Variants in PCDH11X observed in about 807,000 individuals in gnomAD.
PCDH11X encodes protocadherin-11 X-linked.
In PCDH11X, 18 loss-of-function variants were observed where a neutral mutation model predicts 53.3. The ratio of observed to expected loss-of-function variants is 0.34; its 90% CI spans 0.23 to 0.50. The LOEUF (loss-of-function observed/expected upper bound fraction) is 0.50, where lower values mean the gene tolerates loss of function less well. Among genes scored for constraint, PCDH11X ranks in the 20% least tolerant of loss-of-function variants. The pLI is 0.98. For synonymous variants in PCDH11X, 279 were observed against 393.3 expected (o/e 0.71, Z 3.44); for missense variants, 570 against 1,032.4 (o/e 0.55, Z 6.14).
chrX:92,015,109 A>C (rs1462239370), intron 6 of PCDH11X, among the ~76,000 whole-genome samples: 2 of 112,491 alleles, frequency 1.8e-5, no homozygotes, highest in Non-Finnish European at 3.8e-5. Context: ...TCTTAATTTC[A>C]AAATATTTTA....
intron 9 of PCDH11X, among the ~76,000 whole-genome samples, chrX:92,417,996 A>T (rs1480777763): frequency 2.8e-5 from 3 of 108,987 alleles, no homozygotes; most frequent in African/African-American, 6.7e-5. Flanking sequence ...AAAGCATTTT[A>T]TATTTTCAAT....
At chrX:92,074,225 T>C (rs893180644) in intron 6 of PCDH11X, among the ~76,000 whole-genome samples, 3 of 111,663 alleles carry the variant, frequency 2.7e-5, no homozygotes, top group Non-Finnish European at 5.6e-5. Flanking sequence ...ATGTAATACT[T>C]CTGTAATGAA....
intron 6 of PCDH11X, among the ~76,000 whole-genome samples, chrX:91,988,189 C>T (rs1418637596): frequency 9.1e-6 from 1 of 109,748 alleles, no homozygotes; most frequent in East Asian, 2.9e-4. Context: ...TTTCTCTTCC[C>T]TTTCCTCTCT....
At chrX:92,125,747 C>T (rs1316905544) in intron 6 of PCDH11X, among the ~76,000 whole-genome samples, 2 of 109,902 alleles carry the variant, frequency 1.8e-5, no homozygotes, top group Non-Finnish European at 3.8e-5. Context: ...GTGCTGCACT[C>T]GTTAACTCGT....
At chrX:92,352,666 C>T (rs1460234483) in intron 8 of PCDH11X, among the ~76,000 whole-genome samples, 3 of 110,599 alleles carry the variant, frequency 2.7e-5, no homozygotes. Context: ...ATTCTTTTGC[C>T]TCCTGGGGTT....
chrX:91,982,929 C>T (rs1382217766), intron 6 of PCDH11X: 1 of 1,062,886 alleles, frequency 9.4e-7, no homozygotes, highest in East Asian at 3.0e-5. Flanking sequence ...GTAAATGAGG[C>T]CACCAAACTC....
intron 6 of PCDH11X, among the ~76,000 whole-genome samples, chrX:92,133,654 C>G (rs1216863124): frequency 1.8e-5 from 2 of 112,542 alleles, no homozygotes; most frequent in Non-Finnish European, 3.7e-5. Flanking sequence ...GCGTGAGCCA[C>G]CGCTCCCTGC....
chrX:91,876,909 T>C lies in PCDH11X; in HGVS notation c.669T>C (p.Asp223=). 1 of 1,211,060 alleles carries C rather than the reference T, an allele frequency of 8.3e-7. No homozygotes were observed. Among genetic ancestry groups the C allele is most frequent in the Non-Finnish European group, 1.1e-6 (1 of 895,320 alleles). The change falls in exon 6 of 11, where the codon GAT becomes GAC. Residue 223 remains aspartate, a synonymous_variant. Coordinates refer to ENST00000682573, the MANE Select transcript of PCDH11X (RefSeq NM_032968.5). ...ACGTGATGAAAGTAAAGGTTGAAGATGGTGGCTTTCCTCAAAGATCCAGTA... is the reference window on the plus strand; with the variant it reads ...ACGTGATGAAAGTAAAGGTTGAAGACGGTGGCTTTCCTCAAAGATCCAGTA... ...DTYVMKVKVE[D]GGFPQRSSTA... is the part of the protein sequence containing the mutation.
rs760430721 is a variant in PCDH11X, at chrX:92,360,162, G to T, written c.3145-27573G>T. On this transcript the variant is annotated intron_variant, in intron 8 of 10. Transcript: ENST00000682573. ...TTGTTTCCTTATTTTAGAAGTACTT[G>T]TAGGGTATTTTATACTTTATACTTT... 2.7e-5 allele frequency among the ~76,000 whole-genome samples: 3 copies of T among 111,008 alleles called. No homozygotes were observed. The East Asian group carries it at 8.5e-4, about 31-fold the overall frequency.
intron 8 of PCDH11X, among the ~76,000 whole-genome samples, chrX:92,314,236 A>G (rs1603267573): frequency 9.0e-6 from 1 of 111,714 alleles, no homozygotes; most frequent in Non-Finnish European, 1.9e-5. Flanking sequence ...GATTTTTTAA[A>G]CTGTTTTGTT....
chrX:92,612,465 G>T (rs985666083), intron 10 of PCDH11X, among the ~76,000 whole-genome samples: 1 of 111,451 alleles, frequency 9.0e-6, no homozygotes, highest in Non-Finnish European at 1.9e-5. Flanking sequence ...TATTGTGACT[G>T]TGCTTCTTTG....
At chrX:92,540,787 T>C (rs1229913797) in intron 10 of PCDH11X, among the ~76,000 whole-genome samples, 1 of 106,783 alleles carries the variant, frequency 9.4e-6, no homozygotes, top group Non-Finnish European at 1.9e-5. Flanking sequence ...CTATCAGAAG[T>C]GTTTTTTTCC....
At chrX:92,375,772 C>T (rs1359125029) in intron 8 of PCDH11X, among the ~76,000 whole-genome samples, 2 of 108,008 alleles carry the variant, frequency 1.9e-5, no homozygotes, top group Non-Finnish European at 3.8e-5. Flanking sequence ...TACAGGCACC[C>T]GCCACCACGC....
chrX:91,890,501 T>C (rs1940426124), intron 6 of PCDH11X, among the ~76,000 whole-genome samples: 1 of 110,229 alleles, frequency 9.1e-6, no homozygotes, highest in African/African-American at 3.3e-5. Context: ...TTAAAGTACA[T>C]ATAAAAAATT....
chrX:91,814,617 G>T (rs1232957861), intron 4 of PCDH11X, among the ~76,000 whole-genome samples: 1 of 93,369 alleles, frequency 1.1e-5, no homozygotes, highest in East Asian at 3.2e-4. Flanking sequence ...ATGTGGAATT[G>T]TGATGTAAGA....
At chrX:91,909,274 A>G (rs1314619576) in intron 6 of PCDH11X, among the ~76,000 whole-genome samples, 1 of 111,155 alleles carries the variant, frequency 9.0e-6, no homozygotes, top group Non-Finnish European at 1.9e-5. Flanking sequence ...ATAAAAGATA[A>G]AAAGGTAAAG....
chrX:91,950,824 G>A (rs2061632386), intron 6 of PCDH11X, among the ~76,000 whole-genome samples: 1 of 109,638 alleles, frequency 9.1e-6, no homozygotes, highest in African/African-American at 3.3e-5. Flanking sequence ...GTAGAAAAGT[G>A]GCTGAAATAT....
intron 5 of PCDH11X, among the ~76,000 whole-genome samples, chrX:91,863,349 A>G (rs758548487): frequency 2.7e-5 from 3 of 111,718 alleles, no homozygotes; most frequent in African/African-American, 9.7e-5. Context: ...TTATCATTAT[A>G]TACTGACTTT....
rs1170773323 is a variant in PCDH11X at position 91,981,103 on chromosome X, A to AAT, written c.3033+101844_3033+101845dup. 2.2e-3 allele frequency among the ~76,000 whole-genome samples: 224 copies of AAT among 101,881 alleles called. 3 individuals carry two copies. Among genetic ancestry groups the AAT allele is most frequent in the African/African-American group, 6.1e-3 (171 of 28,226 alleles). The allele number at this position is 101,881 out of a possible 115,157, so 88.5% of individuals were successfully genotyped here. ...AATATATATATACACTGAATATATA[A>AAT]ATATATATATATATAGTGAGCAAGA... On this transcript the variant is annotated intron_variant, in intron 6 of 10. Transcript: ENST00000682573.
Sources: gnomAD v4.1 joint callset for allele counts (sites outside exome capture counted in the v4.1 genomes callset) on GRCh38, gnomAD v4.1.1 for gene constraint, MANE v1.5 for transcripts, NCBI Gene and HGNC (gene_info 2026-07-23, HGNC 2026-07-21) for gene names.